Variants in SLC35F4 observed in about 807,000 individuals in gnomAD.
SLC35F4 encodes chromosome 14 open reading frame 36.
A neutral mutation model predicts 44.2 loss-of-function variants in SLC35F4; 24 were observed. The ratio of observed to expected loss-of-function variants is 0.54; its 90% CI spans 0.39 to 0.76. SLC35F4 has a LOEUF of 0.76. SLC35F4 is among the 30% of genes least tolerant of loss of function. SLC35F4 has a pLI of 0.00. For missense variants in SLC35F4, 562 were observed against 586.1 expected, an observed-to-expected ratio of 0.96 and a Z score of 0.42; for synonymous variants, 238 against 223.6, an observed-to-expected ratio of 1.06 and a Z score of -0.57.
intron 1 of SLC35F4, among the ~76,000 whole-genome samples, chr14:57,916,644 G>A (rs1889335394): frequency 6.6e-6 from 1 of 152,054 alleles, no homozygotes; most frequent in African/African-American, 2.4e-5. Context: ...TTGTCCCATA[G>A]TCCTTAGATA....
At chr14:57,696,972 A>G (rs908592673) in intron 1 of SLC35F4, among the ~76,000 whole-genome samples, 1 of 152,168 alleles carries the variant, frequency 6.6e-6, no homozygotes, top group Admixed American at 6.6e-5. Flanking sequence ...TAATGCATGT[A>G]GGACTTAAAC....
intron 3 of SLC35F4, among the ~76,000 whole-genome samples, chr14:57,588,273 C>T (rs1043894245): frequency 1.3e-5 from 2 of 152,174 alleles, no homozygotes; most frequent in African/African-American, 2.4e-5. Flanking sequence ...CAGGGGCAAC[C>T]CCTGCAAGAC....
chr14:57,646,019 G>T (rs959798984), intron 1 of SLC35F4, among the ~76,000 whole-genome samples: 10 of 152,162 alleles, frequency 6.6e-5, no homozygotes, highest in African/African-American at 2.4e-4. Flanking sequence ...GCTGGATTCG[G>T]TTTGCCAGTA....
At chr14:57,567,406 G>A (rs768298322) in intron 6 of SLC35F4, among the ~76,000 whole-genome samples, 48 of 152,342 alleles carry the variant, frequency 3.2e-4, no homozygotes, top group South Asian at 6.2e-4. Context: ...AATGAGGCAA[G>A]CATGTTGTGT....
intron 1 of SLC35F4, among the ~76,000 whole-genome samples, chr14:57,793,989 T>G (rs1181977793): frequency 6.6e-6 from 1 of 152,120 alleles, no homozygotes; most frequent in Non-Finnish European, 1.5e-5. Context: ...TAAATGGTGC[T>G]GGGAAAATTG....
chr14:57,770,936 C>G (rs1026733475), intron 1 of SLC35F4, among the ~76,000 whole-genome samples: 3 of 152,110 alleles, frequency 2.0e-5, no homozygotes, highest in African/African-American at 7.2e-5. Context: ...CTTCAAATGT[C>G]TTAATATGAA....
intron 1 of SLC35F4, among the ~76,000 whole-genome samples, chr14:57,956,391 A>G (rs1308438112): frequency 6.6e-6 from 1 of 152,244 alleles, no homozygotes; most frequent in Non-Finnish European, 1.5e-5. Flanking sequence ...CAAAGACTTC[A>G]TGTCTAAAAT....
chr14:57,667,460 A>T (rs1056965459), intron 1 of SLC35F4, among the ~76,000 whole-genome samples: 4 of 150,278 alleles, frequency 2.7e-5, no homozygotes, highest in Non-Finnish European at 5.9e-5. Flanking sequence ...CATTAGGTAT[A>T]TCTCCTAATG....
intron 1 of SLC35F4, among the ~76,000 whole-genome samples, chr14:57,634,316 A>T (rs775775155): frequency 1.4e-4 from 21 of 152,156 alleles, no homozygotes; most frequent in Non-Finnish European, 2.4e-4. Context: ...ATGTGGCCTT[A>T]TCTAGAGTAC....
At chr14:57,909,588 C>T (rs1169159393) in intron 1 of SLC35F4, among the ~76,000 whole-genome samples, 2 of 150,662 alleles carry the variant, frequency 1.3e-5, no homozygotes, top group Non-Finnish European at 3.0e-5. Flanking sequence ...ACACACAGAT[C>T]GGTTTCTTTT....
intron 1 of SLC35F4, among the ~76,000 whole-genome samples, chr14:57,670,315 TG>T (rs2074470593): frequency 1.3e-5 from 2 of 152,136 alleles, no homozygotes. Flanking sequence ...AAGGGTTTTT[TG>T]TGTCTCTATT....
intron 1 of SLC35F4, among the ~76,000 whole-genome samples, chr14:57,826,924 T>C (rs140705677): frequency 2.6e-5 from 4 of 152,282 alleles, no homozygotes; most frequent in African/African-American, 9.6e-5. Context: ...TGTAAATTAG[T>C]TCAACCATTG....
intron 2 of SLC35F4, among the ~76,000 whole-genome samples, chr14:57,592,009 T>C (rs1296240360): frequency 6.6e-6 from 1 of 152,244 alleles, no homozygotes; most frequent in South Asian, 2.1e-4. Flanking sequence ...ACTAGATTGA[T>C]TGTTGCCAAT....
chr14:57,666,710 CT>C (rs71104578), intron 1 of SLC35F4, among the ~76,000 whole-genome samples: 22,536 of 143,870 alleles, frequency 0.16, 1,892 homozygotes, highest in East Asian at 0.29. Flanking sequence ...AAAGGAACTT[CT>C]TTTTTTTTTT....
chr14:57,568,790 G>T (rs866167796), intron 6 of SLC35F4, among the ~76,000 whole-genome samples: 1 of 152,160 alleles, frequency 6.6e-6, no homozygotes, highest in African/African-American at 2.4e-5. Context: ...TCTGCAGGTC[G>T]AGCATTGTGG....
chr14:57,645,935 G>A (rs922025384), intron 1 of SLC35F4, among the ~76,000 whole-genome samples: 3 of 152,192 alleles, frequency 2.0e-5, no homozygotes, highest in South Asian at 2.1e-4. Context: ...TTATTGATTT[G>A]TGTCTGTTGA....
intron 1 of SLC35F4, among the ~76,000 whole-genome samples, chr14:57,633,481 G>A (rs2072880750): frequency 6.6e-6 from 1 of 152,112 alleles, no homozygotes; most frequent in Admixed American, 6.6e-5. Context: ...GATGACAGGT[G>A]ATGTGAAAGA....
At chr14:57,974,955 A>G (rs74638181), downstream of SLC35F4, among the ~76,000 whole-genome samples, 1,463 of 152,338 alleles carry the variant, frequency 9.6e-3, 16 homozygotes, top group Non-Finnish European at 0.016. Flanking sequence ...CAGGACTGCA[A>G]AGGGAAGGAG....
chr14:57,947,738 G>C (rs1048020181), intron 1 of SLC35F4, among the ~76,000 whole-genome samples: 3 of 152,042 alleles, frequency 2.0e-5, no homozygotes, highest in East Asian at 1.9e-4. Flanking sequence ...AATCATAAAG[G>C]GATGTTGGAT....
Sources: gnomAD v4.1 joint callset for allele counts (sites outside exome capture counted in the v4.1 genomes callset) on GRCh38, gnomAD v4.1.1 for gene constraint, MANE v1.5 for transcripts, NCBI Gene and HGNC (gene_info 2026-07-23, HGNC 2026-07-21) for gene names.